The following RDX variants were observed in gnomAD, a reference collection of about 807,000 sequenced individuals.
RDX encodes deafness, autosomal recessive 24.
RDX carries 32 observed loss-of-function variants against 83.7 expected under a neutral mutation model. That is an observed-to-expected ratio of 0.38 (90% CI 0.29 to 0.51). The LOEUF (loss-of-function observed/expected upper bound fraction) is 0.51, where lower values mean the gene tolerates loss of function less well. Among genes scored for constraint, RDX ranks in the 20% least tolerant of loss-of-function variants. The pLI, the probability that RDX is intolerant of heterozygous loss-of-function variation, is 0.87. For synonymous variants in RDX, 229 were observed against 222.7 expected, an observed-to-expected ratio of 1.03 and a Z score of -0.25; for missense variants, 600 against 689.9, an observed-to-expected ratio of 0.87 and a Z score of 1.46.
In RDX at chr11:110,216,583, G is replaced by A. The variant is rs369140379; in HGVS notation, c.1748+15290C>T. 9.8e-5 allele frequency among the ~76,000 whole-genome samples: 14 copies of A among 142,574 alleles called. No individual in the cohort carries two copies. The East Asian group carries it at 1.2e-3, about 13-fold the overall frequency. The allele number at this position is 142,574 out of a possible 152,430, so 93.5% of individuals were successfully genotyped here. A position where few individuals can be genotyped will look rare whatever the true frequency, so the allele number is the denominator to read the frequency against. ...AATAGAGAGGAGGTCTCACTATGTCGCCCAGACTGGTCTCACATTCCTGGC... is the reference window on the plus strand; with the variant it reads ...AATAGAGAGGAGGTCTCACTATGTCACCCAGACTGGTCTCACATTCCTGGC... On this transcript the variant is annotated intron_variant, in intron 14 of 15. Coordinates refer to the RDX transcript ENST00000528498.
Position 110,253,096 on chromosome 11 carries a change from GAAT to G in RDX, c.959+847_959+849del, listed in dbSNP as rs1411695334. Among the ~76,000 whole-genome samples, 5 of 152,124 alleles carry G rather than the reference GAAT, an allele frequency of 3.3e-5. No individual in the cohort carries two copies. The East Asian group carries it at 9.6e-4, about 29-fold the overall frequency. Reference sequence around the variant, plus strand: ...AAATCTCTTACACAGAACAGTTGTTGAATAAGAAAAAAAATCATTCAATATAAA... The same window carrying G: ...AAATCTCTTACACAGAACAGTTGTTGAAGAAAAAAAATCATTCAATATAAA... On this transcript the variant is annotated intron_variant, in intron 9 of 13. Transcript: ENST00000645495.
intron 2 of RDX, among the ~76,000 whole-genome samples, chr11:110,274,091 A>G (rs1348731010): frequency 6.6e-6 from 1 of 152,188 alleles, no homozygotes; most frequent in Non-Finnish European, 1.5e-5. Context: ...TTCTGTAATC[A>G]GATCTTACAG....
chr11:110,224,442 TG>T (rs1314955022), downstream of RDX, among the ~76,000 whole-genome samples: 1 of 152,174 alleles, frequency 6.6e-6, no homozygotes, highest in Non-Finnish European at 1.5e-5. Context: ...GGATCTAGAA[TG>T]GAAGTGTCCA....
chr11:110,180,871 C>T (rs966973893), intron 15 of RDX, among the ~76,000 whole-genome samples: 2 of 151,990 alleles, frequency 1.3e-5, no homozygotes, highest in African/African-American at 4.8e-5. Flanking sequence ...GAGCTCCAGC[C>T]CCCCTCTTGG....
chr11:110,178,392 T>C (rs1466080809), intron 15 of RDX, among the ~76,000 whole-genome samples: 1 of 152,154 alleles, frequency 6.6e-6, no homozygotes, highest in Non-Finnish European at 1.5e-5. Flanking sequence ...GTTGCTAAGT[T>C]ACATGCCAAA....
chr11:110,244,660 T>C (rs529047549), intron 10 of RDX, among the ~76,000 whole-genome samples: 1 of 152,304 alleles, frequency 6.6e-6, no homozygotes, highest in East Asian at 1.9e-4. Flanking sequence ...CTGTACAACT[T>C]TGTGAATATA....
chr11:110,237,814 G>A (rs780272747), intron 10 of RDX, 162 bp from the exon 11 acceptor site: 42 of 818,350 alleles, frequency 5.1e-5, no homozygotes, highest in Non-Finnish European at 6.7e-5. Flanking sequence ...ACAGGGTCTC[G>A]CTCTGTTGCC....
chr11:110,196,691 G>C (rs906785802), intron 15 of RDX, among the ~76,000 whole-genome samples: 3 of 152,190 alleles, frequency 2.0e-5, no homozygotes, highest in African/African-American at 7.2e-5. Context: ...CAGGAGGGAG[G>C]ACCTGCAGAT....
At chr11:110,266,166 T>C (rs1012051218) in intron 3 of RDX, among the ~76,000 whole-genome samples, 4 of 132,668 alleles carry the variant, frequency 3.0e-5, no homozygotes, top group African/African-American at 1.1e-4. Flanking sequence ...CTACTAAAAA[T>C]ACAAAAAAAA....
Position 110,251,015 on chromosome 11 carries a change from A to G in RDX, c.959+2931T>C, listed in dbSNP as rs1019255804. ...TCACTGGCCCATAGGCACACCACAC[A>G]TATTTTTATCTCTACATATTCATCT... On this transcript the variant is annotated intron_variant, in intron 9 of 13. Coordinates refer to ENST00000645495, the MANE Select transcript of RDX (RefSeq NM_002906.4). Among the ~76,000 whole-genome samples the G allele has an allele frequency of 7.9e-5, 12 of 152,232 alleles. No individual in the cohort carries two copies. In the South Asian group the frequency reaches 2.3e-3, roughly 29 times the overall value.
intron 14 of RDX, among the ~76,000 whole-genome samples, chr11:110,210,459 C>A (rs1432345748): frequency 3.7e-4 from 53 of 143,244 alleles, no homozygotes; most frequent in African/African-American, 1.3e-3. Flanking sequence ...GCAAGGCAGG[C>A]CAACATTCAG....
chr11:110,279,896 A>C lies in RDX; in HGVS notation c.-64-140T>G. ...AGGAGTGATTTCATTCTCATTTTCA[A>C]TATCTTCTACTAGCATTGCACATTC... is the stretch of plus-strand genomic sequence containing the variant. On this transcript the variant is annotated intron_variant, in intron 1 of 13. Transcript: ENST00000645495. 1.2e-5 allele frequency: 6 copies of C among 519,596 alleles called. No individual in the cohort carries two copies. The South Asian group carries it at 1.5e-4, about 13-fold the overall frequency. 32.2% of individuals were successfully genotyped at this position (519,596 alleles called of 1,614,324 possible).
At chr11:110,192,075 C>T (rs1260762773) in intron 15 of RDX, among the ~76,000 whole-genome samples, 2 of 152,094 alleles carry the variant, frequency 1.3e-5, no homozygotes, top group Admixed American at 6.5e-5. Flanking sequence ...GCCCAAATAG[C>T]CAGAGCAATC....
At chr11:110,203,932 T>G (rs1489463386) in intron 14 of RDX, among the ~76,000 whole-genome samples, 5 of 152,244 alleles carry the variant, frequency 3.3e-5, no homozygotes, top group South Asian at 4.1e-4. Context: ...GTCCCAGCTA[T>G]TCAGGGGGCT....
intron 10 of RDX, among the ~76,000 whole-genome samples, chr11:110,244,535 G>A (rs962065621): frequency 4.6e-5 from 7 of 152,050 alleles, no homozygotes; most frequent in Non-Finnish European, 7.4e-5. Context: ...AGAAAGATTC[G>A]TGGTTGTCTA....
intron 15 of RDX, among the ~76,000 whole-genome samples, chr11:110,183,103 G>A (rs1394993808): frequency 6.6e-6 from 1 of 152,096 alleles, no homozygotes; most frequent in Non-Finnish European, 1.5e-5. Flanking sequence ...TTGCTAATGT[G>A]GGTTACCCGC....
intron 10 of RDX, among the ~76,000 whole-genome samples, chr11:110,246,983 C>A (rs1859135154): frequency 6.6e-6 from 1 of 151,996 alleles, no homozygotes; most frequent in Non-Finnish European, 1.5e-5. Context: ...CCCCTGAGAG[C>A]CTGCTGCTTA....
chr11:110,293,203 T>C (rs970446936), intron 1 of RDX, among the ~76,000 whole-genome samples: 4 of 152,228 alleles, frequency 2.6e-5, no homozygotes, highest in African/African-American at 4.8e-5. Context: ...ATAAAGTATA[T>C]GTTTATCCCT....
At chr11:110,179,903 CTTTTT>C (rs528601645) in intron 15 of RDX, 50 of 364,406 alleles carry the variant, frequency 1.4e-4, no homozygotes, top group African/African-American at 2.9e-4. Flanking sequence ...TTTCTTTTTT[CTTTTT>C]TTTTTTTTTT....
Sources: gnomAD v4.1 joint callset for allele counts (sites outside exome capture counted in the v4.1 genomes callset) on GRCh38, gnomAD v4.1.1 for gene constraint, MANE v1.5 for transcripts, NCBI Gene and HGNC (gene_info 2026-07-23, HGNC 2026-07-21) for gene names.